The following TDRD7 variants were observed in gnomAD, a reference collection of about 807,000 sequenced individuals.
TDRD7 encodes the protein tudor domain-containing protein 7.
In TDRD7, 47 loss-of-function variants were observed where a neutral mutation model predicts 109.8. That is an observed-to-expected ratio of 0.43 (90% CI 0.34 to 0.55). TDRD7 has a LOEUF of 0.55. Ranked by LOEUF, TDRD7 falls within the 20% of genes least tolerant of loss-of-function variation. TDRD7 has a pLI of 0.03. For synonymous variants in TDRD7, 424 were observed against 457.3 expected (o/e 0.93, Z 0.93); for missense variants, 1,164 against 1,319.2 (o/e 0.88, Z 1.82).
intron 8 of TDRD7, among the ~76,000 whole-genome samples, chr9:97,469,912 C>G (rs1828882968): frequency 6.6e-6 from 1 of 152,128 alleles, no homozygotes; most frequent in Non-Finnish European, 1.5e-5. Flanking sequence ...GGGCCTTTTG[C>G]TGAGCTGAAA....
At chr9:97,454,942 TAAGAA>T (rs774902581) in intron 6 of TDRD7, among the ~76,000 whole-genome samples, 55 of 151,522 alleles carry the variant, frequency 3.6e-4, no homozygotes, top group Admixed American at 6.6e-4. Context: ...GCTAGACTAA[TAAGAA>T]GAGAGAGAAG....
At chr9:97,427,229 G>A (rs533382949) in intron 1 of TDRD7, among the ~76,000 whole-genome samples, 31 of 152,106 alleles carry the variant, frequency 2.0e-4, no homozygotes, top group African/African-American at 7.2e-4. Flanking sequence ...TTCTCTGAAT[G>A]TATCTCCTGA....
chr9:97,448,309 G>A (rs898004488), intron 6 of TDRD7, among the ~76,000 whole-genome samples: 1 of 152,216 alleles, frequency 6.6e-6, no homozygotes, highest in East Asian at 1.9e-4. Context: ...CCTGCATACA[G>A]GGTACACCAC....
At chr9:97,471,780 A>G (rs911770834) in intron 9 of TDRD7, among the ~76,000 whole-genome samples, 2 of 152,188 alleles carry the variant, frequency 1.3e-5, no homozygotes, top group Admixed American at 6.5e-5. Flanking sequence ...TGTGTTAAAC[A>G]CTACTTAATC....
rs565249690 is a variant in TDRD7, at chr9:97,414,772, AAACC to A, written c.-7+2535_-7+2538del. On this transcript the variant is annotated intron_variant, in intron 1 of 16. Transcript: ENST00000355295. ...GGTATTAATCATCTTTTTCCTTTAA[AAACC>A]GGTTGGTGAAGGAGTAATTGAAGTG... 9.1e-4 allele frequency among the ~76,000 whole-genome samples: 138 copies of A among 152,350 alleles called. 1 individual carries two copies. Among genetic ancestry groups the A allele is most frequent in the Middle Eastern group, 3.4e-3 (1 of 294 alleles).
intron 1 of TDRD7, among the ~76,000 whole-genome samples, chr9:97,421,576 C>A (rs1041180827): frequency 6.6e-6 from 1 of 152,092 alleles, no homozygotes; most frequent in Admixed American, 6.6e-5. Flanking sequence ...TTGATGAGAT[C>A]CAATTTGTCA....
rs915978482 is a variant in TDRD7, at chr9:97,418,523, C to T, written c.-7+6285C>T. 3.3e-5 allele frequency among the ~76,000 whole-genome samples: 5 copies of T among 151,750 alleles called. No individual in the cohort carries two copies. In the East Asian group the frequency reaches 9.7e-4, roughly 29 times the overall value. On this transcript the variant is annotated intron_variant, in intron 1 of 16. Transcript: ENST00000355295. ...GGGTGGGGACAAGAGGAAGACTCTA[C>T]CTGAATGCCGCTCCTTAAAAAAAAA...
At chr9:97,490,558 G>A (rs537830693) in intron 16 of TDRD7, among the ~76,000 whole-genome samples, 1 of 137,232 alleles carries the variant, frequency 7.3e-6, no homozygotes, top group Non-Finnish European at 1.6e-5. Flanking sequence ...GTGGGGGGGG[G>A]GGCATTTATC....
At chr9:97,488,308 T>C (rs561604489) in intron 16 of TDRD7, among the ~76,000 whole-genome samples, 8 of 152,334 alleles carry the variant, frequency 5.3e-5, no homozygotes, top group African/African-American at 1.9e-4. Context: ...TGGAACACAG[T>C]GACAGAAGTG....
chr9:97,429,961 G>A lies in TDRD7; in HGVS notation c.208-972G>A, dbSNP rs994256877. ...AGGTTTTGACTATTAAAATACCCCC[G>A]TTGCTCATACTTGGGTAGGTAACAT... On this transcript the variant is annotated intron_variant, in intron 2 of 16. Coordinates refer to ENST00000355295, the MANE Select transcript of TDRD7 (RefSeq NM_014290.3). 5.9e-5 allele frequency among the ~76,000 whole-genome samples: 9 copies of A among 152,194 alleles called. No individual in the cohort carries two copies. The East Asian group carries it at 1.3e-3, about 23-fold the overall frequency.
intron 12 of TDRD7, among the ~76,000 whole-genome samples, chr9:97,475,941 C>A (rs977332744): frequency 6.6e-6 from 1 of 152,108 alleles, no homozygotes; most frequent in African/African-American, 2.4e-5. Flanking sequence ...AGCTGTAGTT[C>A]ATCTATTTTT....
Position 97,487,264 on chromosome 9 carries a change from G to GA in TDRD7, c.3012dup (p.Val1005SerfsTer30). ...GGCAAACACGAATTAGTCAACATAAGAAAAGTACAGCCCCTAGTGGACATG... is the reference window on the plus strand; with the variant it reads ...GGCAAACACGAATTAGTCAACATAAGAAAAAGTACAGCCCCTAGTGGACATG... On this transcript the variant is annotated frameshift_variant, in exon 16 of 17. Coordinates refer to ENST00000355295, the MANE Select transcript of TDRD7 (RefSeq NM_014290.3). LOFTEE classifies it high-confidence loss of function. 1 of 1,613,996 alleles carries GA rather than the reference G, an allele frequency of 6.2e-7. No individual in the cohort carries two copies. The highest frequency in any genetic ancestry group is 8.5e-7 in the Non-Finnish European group (1 of 1,179,944).
intron 16 of TDRD7, among the ~76,000 whole-genome samples, chr9:97,492,131 C>T (rs775635898): frequency 4.6e-5 from 7 of 152,184 alleles, no homozygotes; most frequent in Non-Finnish European, 8.8e-5. Flanking sequence ...TGCCCTGTGA[C>T]CTTCCTTCTC....
At position 97,493,916 on chromosome 9, in the gene TDRD7, A is replaced by G. The variant is rs191934435; in HGVS notation, c.3077-1747A>G. On this transcript the variant is annotated intron_variant, in intron 16 of 16. Coordinates refer to ENST00000355295, the MANE Select transcript of TDRD7 (RefSeq NM_014290.3). ...AGGTTATCTCTCTTGTTCCCTGAAC[A>G]TTGCTGTTATCCTGTTCTTTTTTCA... 5.2e-3 allele frequency among the ~76,000 whole-genome samples: 795 copies of G among 152,316 alleles called. 8 individuals are homozygous for G. The highest frequency in any genetic ancestry group is 0.018 in the African/African-American group (768 of 41,568).
chr9:97,415,804 G>T (rs1055850012), intron 1 of TDRD7, among the ~76,000 whole-genome samples: 2 of 152,078 alleles, frequency 1.3e-5, no homozygotes, highest in African/African-American at 4.8e-5. Context: ...TGCTTCTAAT[G>T]GATGATGTCT....
chr9:97,418,106 C>T (rs1030418921), intron 1 of TDRD7, among the ~76,000 whole-genome samples: 3 of 152,018 alleles, frequency 2.0e-5, no homozygotes, highest in African/African-American at 7.3e-5. Flanking sequence ...GCCTGGGTGA[C>T]AGAGCAAGAC....
chr9:97,495,784 A>T lies in TDRD7; in HGVS notation c.3198A>T (p.Lys1066Asn). The T allele has an allele frequency of 6.2e-7, 1 of 1,614,172 alleles. No individual in the cohort carries two copies. The highest frequency in any genetic ancestry group is 8.5e-7 in the Non-Finnish European group (1 of 1,180,036). Residue 1066 changes from lysine (K) to asparagine (N), a missense_variant, in exon 17 of 17, where the codon AAA (lysine) becomes AAT (asparagine). Physicochemically the swap from Lys to Asn is moderately conservative, Grantham distance 94 (BLOSUM62 0). This residue lies in a region of TDRD7 where 162 missense variants were observed against 222.5 expected (regional missense o/e 0.73). Coordinates refer to ENST00000355295, the MANE Select transcript of TDRD7 (RefSeq NM_014290.3). ...VIENANPWDR[K>N]VVVYLVDTSL... ...AAAATGCTAACCCTTGGGACCGGAA[A>T]GTAGTGGTCTACTTAGTGGACACAT...
intron 16 of TDRD7, among the ~76,000 whole-genome samples, chr9:97,492,673 T>G (rs558825968): frequency 3.3e-5 from 5 of 152,240 alleles, no homozygotes; most frequent in Non-Finnish European, 5.9e-5. Context: ...TGAAACAGCA[T>G]TGCTGTTGGG....
Position 97,465,037 on chromosome 9 carries a change from T to G in TDRD7, c.1629+9T>G. On this transcript the variant is annotated intron_variant, in intron 8 of 16. Transcript: ENST00000355295. ...AAGAGAACAAAATAAAGGCAAGCAC[T>G]GTTTACTTTGTCATAGCATTATGGA... 1.2e-6 allele frequency: 2 copies of G among 1,612,322 alleles called. No individual in the cohort carries two copies. The highest frequency in any genetic ancestry group is 1.7e-6 in the Non-Finnish European group (2 of 1,179,062).
Sources: gnomAD v4.1 joint callset for allele counts (sites outside exome capture counted in the v4.1 genomes callset) on GRCh38, gnomAD v4.1.1 for gene constraint, gnomAD v4.1.1 regional missense constraint, MANE v1.5 for transcripts, NCBI Gene and HGNC (gene_info 2026-07-23, HGNC 2026-07-21) for gene names.